Variants in PHF6 observed in about 807,000 individuals in gnomAD.
The protein encoded by PHF6 is PHD finger protein 6, also known as PHD-like zinc finger protein.
PHF6 carries 7 observed loss-of-function variants against 34.0 expected under a neutral mutation model. The observed-to-expected ratio is 0.21, with a 90% confidence interval of 0.12 to 0.39. The LOEUF is 0.39. Among genes scored for constraint, PHF6 ranks in the 10% least tolerant of loss-of-function variants. The probability of loss-of-function intolerance (pLI) is 1.00; values close to 1 mark genes in which losing one functional copy is unlikely to be tolerated. For synonymous variants in PHF6, 89 were observed against 88.4 expected, an observed-to-expected ratio of 1.01 and a Z score of -0.04; for missense variants, 128 against 262.8, an observed-to-expected ratio of 0.49 and a Z score of 3.55.
At chrX:134,384,347 G>C (rs1357110364) in intron 3 of PHF6, among the ~76,000 whole-genome samples, 4 of 111,796 alleles carry the variant, frequency 3.6e-5, no homozygotes, top group Middle Eastern at 4.6e-3. Flanking sequence ...TTTCAACTCA[G>C]ATAGGAAGGG....
intron 7 of PHF6, 31 bp downstream of exon 7, chrX:134,413,997 T>G: frequency 8.4e-7 from 1 of 1,196,783 alleles, no homozygotes; most frequent in East Asian, 3.0e-5. Context: ...CCCAATTTTG[T>G]TTTTTTGTTG....
intron 9 of PHF6, among the ~76,000 whole-genome samples, chrX:134,424,683 G>C (rs1388815384): frequency 2.7e-5 from 3 of 111,952 alleles, no homozygotes; most frequent in African/African-American, 9.7e-5. Flanking sequence ...TGCAGTGCCG[G>C]AAAACTGTTG....
chrX:134,413,921 G>A lies in PHF6; in HGVS notation c.684G>A (p.Leu228=). 8.3e-7 allele frequency: 1 copy of A among 1,210,374 alleles called. No homozygotes were observed. The highest frequency in any genetic ancestry group is 1.1e-6 in the Non-Finnish European group (1 of 894,408). ...AAGAAAATGAAGCACGAGGAAAACT[G>A]CATATATTTAATGCCAAGAAGGCAG... ...GEEENEARGK[L]HIFNAKKAAA... is the part of the protein sequence containing the mutation. The change falls in exon 7 of 11, where the codon CTG becomes CTA. Residue 228 remains leucine, a synonymous_variant. Coordinates refer to ENST00000370803, the MANE Select transcript of PHF6 (RefSeq NM_001015877.2).
At position 134,415,010 on chromosome X, in the gene PHF6, C is replaced by T; in HGVS notation, c.730-6C>T. 1.7e-6 allele frequency: 2 copies of T among 1,203,014 alleles called. No homozygotes were observed. The highest frequency in any genetic ancestry group is 2.3e-6 in the Non-Finnish European group (2 of 888,740). On this transcript the variant is annotated splice_region_variant and splice_polypyrimidine_tract_variant and intron_variant, in intron 7 of 10. Transcript: ENST00000370803. ...ATGTTAATTTTCCTGCATTTTTCTT[C>T]TCTAGTTGTTTTCTTCTGGCACAGT...
intron 3 of PHF6, among the ~76,000 whole-genome samples, chrX:134,392,747 C>T (rs900404052): frequency 1.8e-5 from 2 of 110,866 alleles, no homozygotes; most frequent in African/African-American, 6.6e-5. Flanking sequence ...ACTAGGTTCT[C>T]AAATAGTAAG....
intron 3 of PHF6, among the ~76,000 whole-genome samples, chrX:134,385,851 A>G (rs985399831): frequency 9.0e-6 from 1 of 111,670 alleles, no homozygotes; most frequent in Non-Finnish European, 1.9e-5. Context: ...CTTAGGTATT[A>G]TATTTGTCAA....
intron 3 of PHF6, among the ~76,000 whole-genome samples, chrX:134,380,981 G>A (rs2077305069): frequency 9.0e-6 from 1 of 111,183 alleles, no homozygotes; most frequent in South Asian, 3.8e-4. Flanking sequence ...CGAGTAGCTG[G>A]GACTACAGGT....
rs1008014799 is a variant in PHF6 at position 134,427,803 on chromosome X, T to C, written c.*2143T>C. 6.2e-6 allele frequency: 1 copy of C among 160,391 alleles called. No individual in the cohort carries two copies. The allele number at this position is 160,391 out of a possible 1,213,427, so 13.2% of individuals were successfully genotyped here. On this transcript the variant is annotated 3_prime_UTR_variant, in exon 11 of 11. Coordinates refer to ENST00000370803, the MANE Select transcript of PHF6 (RefSeq NM_001015877.2). ...ATCATGTTTGGTTGTAAACCTCCAA[T>C]GTTTTGATTCTCTAATCATGTTTTC...
intron 9 of PHF6, chrX:134,420,345 A>G (rs1225913093): frequency 1.8e-5 from 2 of 108,943 alleles, no homozygotes; most frequent in African/African-American, 6.7e-5. Context: ...ATAAAAGTGT[A>G]TAATAAAATG....
chrX:134,418,317 T>C (rs1262844870), intron 9 of PHF6: 1 of 111,766 alleles, frequency 8.9e-6, no homozygotes, highest in Non-Finnish European at 1.9e-5. Context: ...GTATGAAGAT[T>C]TGGGATTGGG....
At chrX:134,401,698 C>G (rs1419934132) in intron 5 of PHF6, among the ~76,000 whole-genome samples, 6 of 111,708 alleles carry the variant, frequency 5.4e-5, no homozygotes, top group African/African-American at 2.0e-4. Flanking sequence ...GTTAGAATTA[C>G]AGTGACCACA....
intron 10 of PHF6, 35 bp downstream of exon 10, chrX:134,425,365 G>A (rs759520989): frequency 1.9e-5 from 23 of 1,195,446 alleles, no homozygotes; most frequent in Non-Finnish European, 2.4e-5. Context: ...CTGTTGTCAG[G>A]ATACAATACA....
rs1462309666 is a variant in PHF6, at chrX:134,426,854, T to C, written c.*1194T>C. 1 of 163,224 alleles carries C rather than the reference T, an allele frequency of 6.1e-6. No homozygotes were observed. Among genetic ancestry groups the C allele is most frequent in the African/African-American group, 3.0e-5 (1 of 33,335 alleles). 13.5% of individuals were successfully genotyped at this position (163,224 alleles called of 1,213,427 possible). A position where few individuals can be genotyped will look rare whatever the true frequency, so the allele number is the denominator to read the frequency against. ...TCTTTATGGCAAAACCAAATAACTTTAGTTGTGGTCTGCCTGATACTACCA... is the reference window on the plus strand; with the variant it reads ...TCTTTATGGCAAAACCAAATAACTTCAGTTGTGGTCTGCCTGATACTACCA... On this transcript the variant is annotated 3_prime_UTR_variant, in exon 11 of 11. Coordinates refer to ENST00000370803, the MANE Select transcript of PHF6 (RefSeq NM_001015877.2).
intron 3 of PHF6, among the ~76,000 whole-genome samples, chrX:134,380,857 G>GGAGTC (rs1243244827): frequency 9.0e-6 from 1 of 111,156 alleles, no homozygotes; most frequent in Non-Finnish European, 1.9e-5. Flanking sequence ...GTTTTTGTTT[G>GGAGTC]TTTTTGTTTT....
intron 8 of PHF6, 46 bp downstream of exon 8, chrX:134,415,166 T>TG (rs1409297590): frequency 8.3e-7 from 1 of 1,208,182 alleles, no homozygotes; most frequent in Non-Finnish European, 1.1e-6. Flanking sequence ...CTTGATTTGC[T>TG]GCTTTAAATT....
chrX:134,379,029 G>T (rs2077291612), intron 3 of PHF6, among the ~76,000 whole-genome samples: 1 of 111,641 alleles, frequency 9.0e-6, no homozygotes, highest in Non-Finnish European at 1.9e-5. Context: ...TTTTTTAAAA[G>T]ATGCGTTTTG....
chrX:134,377,553 C>A lies in PHF6; in HGVS notation c.-46-19C>A. ...TTTTAAAATAAAATTAACATTGTCG[C>A]CCTTCTTATTCTCTGTAGCATTTCT... On this transcript the variant is annotated intron_variant, in intron 1 of 10. Coordinates refer to ENST00000370803, the MANE Select transcript of PHF6 (RefSeq NM_001015877.2). 2.8e-6 allele frequency: 3 copies of A among 1,071,574 alleles called. No individual in the cohort carries two copies. In the South Asian group the frequency reaches 6.4e-5, roughly 23 times the overall value. 88.3% of individuals were successfully genotyped at this position (1,071,574 alleles called of 1,213,427 possible).
At chrX:134,392,637 T>C (rs1449197399) in intron 3 of PHF6, among the ~76,000 whole-genome samples, 2 of 111,706 alleles carry the variant, frequency 1.8e-5, no homozygotes, top group Non-Finnish European at 3.8e-5. Flanking sequence ...TTTCATAATA[T>C]AATCAACTTG....
At chrX:134,409,515 GTTTCA>G (rs1204849847) in intron 5 of PHF6, among the ~76,000 whole-genome samples, 2 of 111,087 alleles carry the variant, frequency 1.8e-5, no homozygotes, top group Non-Finnish European at 3.8e-5. Context: ...TCAACTTTAA[GTTTCA>G]TTTCATTAAG....
Sources: gnomAD v4.1 joint callset for allele counts (sites outside exome capture counted in the v4.1 genomes callset) on GRCh38, gnomAD v4.1.1 for gene constraint, MANE v1.5 for transcripts, NCBI Gene and HGNC (gene_info 2026-07-23, HGNC 2026-07-21) for gene names.